The following RIC3 variants were observed in gnomAD, a reference collection of about 807,000 sequenced individuals.
RIC3 encodes protein RIC-3.
A neutral mutation model predicts 27.3 loss-of-function variants in RIC3; 28 were observed. The observed-to-expected ratio is 1.02, with a 90% CI of 0.76 to 1.41. The LOEUF (loss-of-function observed/expected upper bound fraction) is 1.41. Among genes scored for constraint, RIC3 ranks in the 40% most tolerant of loss-of-function variants. The pLI, the probability that RIC3 is intolerant of heterozygous loss-of-function variation, is 0.00. For missense variants in RIC3, 501 were observed against 444.7 expected (o/e 1.13, Z -1.14); for synonymous variants, 184 against 160.4 (o/e 1.15, Z -1.11).
chr11:8,096,816 T>A, the RIC3 span: 1 of 1,614,026 alleles, frequency 6.2e-7, no homozygotes, highest in South Asian at 1.1e-5. Context: ...GGTGAGTGAG[T>A]GAGTCTGCAT....
intron 4 of RIC3, among the ~76,000 whole-genome samples, chr11:8,133,018 C>T (rs994943068): frequency 6.6e-6 from 1 of 152,110 alleles, no homozygotes; most frequent in Admixed American, 6.5e-5. Flanking sequence ...ATTGACATTG[C>T]AACAGTATTA....
intron 4 of RIC3, among the ~76,000 whole-genome samples, chr11:8,135,272 T>C (rs1948251651): frequency 6.6e-6 from 1 of 152,268 alleles, no homozygotes; most frequent in Non-Finnish European, 1.5e-5. Flanking sequence ...TTGTCAGGTT[T>C]GTCAAAGATC....
At chr11:8,115,649 A>C (rs563519498) in intron 5 of RIC3, among the ~76,000 whole-genome samples, 1 of 152,206 alleles carries the variant, frequency 6.6e-6, no homozygotes, top group Non-Finnish European at 1.5e-5. Context: ...CTCTACTAAA[A>C]ATACAAAATT....
chr11:8,132,339 T>A (rs1420786222), intron 4 of RIC3, among the ~76,000 whole-genome samples: 1 of 152,220 alleles, frequency 6.6e-6, no homozygotes, highest in East Asian at 1.9e-4. Context: ...ATAAGAGTTA[T>A]TTTTCTAAAG....
the RIC3 span, chr11:8,097,135 C>T: frequency 7.1e-7 from 1 of 1,415,262 alleles, no homozygotes; most frequent in Non-Finnish European, 9.8e-7. Flanking sequence ...CTCTCTCCCA[C>T]CGCCACGTTA....
In RIC3 at chr11:8,167,329, T is replaced by C. The variant is rs528334970; in HGVS notation, c.124+1537A>G. On this transcript the variant is annotated intron_variant, in intron 1 of 5. Transcript: ENST00000309737. ...CTATCATGAAGAATATAAAACATGATAAAATAGAGAATGATGGGAGAAAAG... is the reference window on the plus strand; with the variant it reads ...CTATCATGAAGAATATAAAACATGACAAAATAGAGAATGATGGGAGAAAAG... Among the ~76,000 whole-genome samples the C allele has an allele frequency of 2.0e-5, 3 of 152,266 alleles. No homozygotes were observed. The East Asian group carries it at 5.8e-4, about 29-fold the overall frequency.
chr11:8,128,466 A>G lies in RIC3; in HGVS notation c.522-1659T>C, dbSNP rs1528132. ...CTTAACAAGTATACTTTTATTGTCCATATCATGCATTATGCATTAATCATG... is the reference window on the plus strand; with the variant it reads ...CTTAACAAGTATACTTTTATTGTCCGTATCATGCATTATGCATTAATCATG... On this transcript the variant is annotated intron_variant, in intron 4 of 5. Coordinates refer to ENST00000309737, the MANE Select transcript of RIC3 (RefSeq NM_001206671.4). The G allele has an allele frequency of 8.5e-3, 2,981 of 350,332 alleles. 87 individuals carry two copies. Among genetic ancestry groups the G allele is most frequent in the African/African-American group, 0.059 (2,747 of 46,626 alleles). 21.7% of individuals were successfully genotyped at this position (350,332 alleles called of 1,614,324 possible).
intron 4 of RIC3, among the ~76,000 whole-genome samples, chr11:8,137,128 G>A (rs932435315): frequency 2.0e-5 from 3 of 152,120 alleles, no homozygotes; most frequent in Admixed American, 6.6e-5. Context: ...AGGTTCAAGC[G>A]ATTCTCCTGC....
At chr11:8,119,818 G>C (rs1261883218) in intron 5 of RIC3, among the ~76,000 whole-genome samples, 4 of 152,122 alleles carry the variant, frequency 2.6e-5, no homozygotes, top group South Asian at 4.2e-4. Flanking sequence ...CTAATATCTA[G>C]AATCTACAAA....
intron 2 of RIC3, 48 bp downstream of exon 2, chr11:8,139,919 C>A: frequency 1.3e-6 from 2 of 1,485,002 alleles, no homozygotes; most frequent in Admixed American, 3.7e-5. Context: ...TTTTTATTGC[C>A]ATATTAGATT....
downstream of RIC3, chr11:8,104,222 C>G (rs1944427538): frequency 6.6e-6 from 1 of 152,234 alleles, no homozygotes; most frequent in African/African-American, 2.4e-5. Flanking sequence ...GAATTAATGA[C>G]AGAATGAGCA....
At chr11:8,115,158 C>A (rs533402956) in intron 5 of RIC3, among the ~76,000 whole-genome samples, 1 of 151,914 alleles carries the variant, frequency 6.6e-6, no homozygotes, top group Admixed American at 6.6e-5. Flanking sequence ...ATCAAACTAT[C>A]AAAAATCAAA....
At chr11:8,148,334 C>G (rs1210598852) in intron 1 of RIC3, among the ~76,000 whole-genome samples, 1 of 152,158 alleles carries the variant, frequency 6.6e-6, no homozygotes, top group East Asian at 1.9e-4. Flanking sequence ...TTTCAAGGAT[C>G]TTAGTAAATT....
intron 5 of RIC3, among the ~76,000 whole-genome samples, chr11:8,126,200 G>A (rs1946972556): frequency 6.6e-6 from 1 of 152,060 alleles, no homozygotes; most frequent in South Asian, 2.1e-4. Flanking sequence ...TAACCCAAAC[G>A]CTCCTCAACT....
intron 1 of RIC3, among the ~76,000 whole-genome samples, chr11:8,157,174 T>C (rs1180393007): frequency 1.3e-5 from 2 of 152,168 alleles, no homozygotes; most frequent in African/African-American, 2.4e-5. Flanking sequence ...CAGTAATCTG[T>C]CTGAACACAG....
At chr11:8,114,776 T>C (rs1190215171) in intron 5 of RIC3, among the ~76,000 whole-genome samples, 1 of 150,722 alleles carries the variant, frequency 6.6e-6, no homozygotes, top group African/African-American at 2.5e-5. Flanking sequence ...TTACGAGAGA[T>C]TGAAATTATA....
the RIC3 span, among the ~76,000 whole-genome samples, chr11:8,096,234 C>T: frequency 3.9e-5 from 6 of 152,202 alleles, no homozygotes; most frequent in African/African-American, 1.4e-4. Flanking sequence ...CCACATTGGG[C>T]TGAGGAAGGA....
At chr11:8,146,272 C>T (rs1283250243) in intron 1 of RIC3, among the ~76,000 whole-genome samples, 7 of 152,052 alleles carry the variant, frequency 4.6e-5, no homozygotes, top group African/African-American at 2.4e-5. Context: ...AAAAACATAC[C>T]GTTAGGTTAA....
intron 4 of RIC3, among the ~76,000 whole-genome samples, chr11:8,134,385 C>T (rs1175694408): frequency 2.0e-5 from 3 of 152,182 alleles, no homozygotes; most frequent in Non-Finnish European, 4.4e-5. Flanking sequence ...TTTCTTAATC[C>T]AGTCTATCAT....
Sources: gnomAD v4.1 joint callset for allele counts (sites outside exome capture counted in the v4.1 genomes callset) on GRCh38, gnomAD v4.1.1 for gene constraint, MANE v1.5 for transcripts, NCBI Gene and HGNC (gene_info 2026-07-23, HGNC 2026-07-21) for gene names.